COL5A1: variants seen among roughly 807,000 people sequenced by gnomAD.
The protein encoded by COL5A1 is collagen alpha-1(V) chain.
COL5A1 carries 16 observed loss-of-function variants against 263.7 expected under a neutral mutation model. The observed-to-expected ratio is 0.06, with a 90% CI of 0.04 to 0.09. COL5A1 has a LOEUF of 0.09. Among genes scored for constraint, COL5A1 ranks in the 10% least tolerant of loss-of-function variants. The probability of loss-of-function intolerance (pLI) is 1.00; values close to 1 mark genes in which losing one functional copy is unlikely to be tolerated. For synonymous variants in COL5A1, 1,012 were observed against 1,004.5 expected (o/e 1.01, Z -0.14); for missense variants, 2,036 against 2,540.5 (o/e 0.80, Z 4.27).
chr9:134,812,814 A>T (rs1465183935), intron 48 of COL5A1, 102 bp downstream of exon 48: 14 of 851,196 alleles, frequency 1.6e-5, no homozygotes, highest in Non-Finnish European at 2.3e-5. Flanking sequence ...GTGCGCATGC[A>T]CACGCTTGTG....
At chr9:134,814,118 C>G in intron 49 of COL5A1, 82 bp downstream of exon 49, 1 of 1,376,896 alleles carries the variant, frequency 7.3e-7, no homozygotes, top group Non-Finnish European at 1.0e-6. Flanking sequence ...GGCTCTGGCT[C>G]TGCCTTAGCT....
chr9:134,713,512 C>G (rs963659077), intron 4 of COL5A1, among the ~76,000 whole-genome samples: 2 of 152,226 alleles, frequency 1.3e-5, no homozygotes, highest in African/African-American at 2.4e-5. Context: ...AATGAAGACT[C>G]AGAAGATCTT....
intron 11 of COL5A1, among the ~76,000 whole-genome samples, chr9:134,749,382 C>T (rs771237257): frequency 5.3e-5 from 8 of 152,198 alleles, no homozygotes; most frequent in Non-Finnish European, 1.2e-4. Flanking sequence ...TGAAAAGGGA[C>T]CTTTCACTTT....
At position 134,824,716 on chromosome 9, in the gene COL5A1, G is replaced by C. The variant is rs755728242; in HGVS notation, c.4815G>C (p.Ala1605=). Residue 1605 remains alanine, a synonymous_variant, in exon 62 of 66, where the codon GCG becomes GCC. Transcript: ENST00000371817. ...DGNGENYVDY[A]DGMEEIFGSL... ...ATGGCGAGAACTACGTGGACTACGC[G>C]GACGGCATGGAAGAGATCTTCGGCT... 2.5e-6 allele frequency: 4 copies of C among 1,614,220 alleles called. No individual in the cohort carries two copies. The highest frequency in any genetic ancestry group is 3.4e-6 in the Non-Finnish European group (4 of 1,180,050).
At chr9:134,649,245 C>T (rs573874812) in intron 1 of COL5A1, 5 of 319,980 alleles carry the variant, frequency 1.6e-5, no homozygotes, top group African/African-American at 6.6e-5. Flanking sequence ...TCAGATAGTC[C>T]GAGCCGTCAC....
Position 134,824,866 on chromosome 9 carries a change from G to A in COL5A1, c.4954+11G>A, listed in dbSNP as rs957818279. On this transcript the variant is annotated intron_variant, in intron 62 of 65. Coordinates refer to ENST00000371817, the MANE Select transcript of COL5A1 (RefSeq NM_000093.5). ...CCGACTTCCCAGATGGTGAGGGCCT[G>A]GGGGGGCAGGGGTGGCCCCCCAAAG... 6.2e-7 allele frequency: 1 copy of A among 1,605,450 alleles called. No individual in the cohort carries two copies.
In COL5A1 at chr9:134,661,816, C is replaced by G. The variant is rs1201485674; in HGVS notation, c.109+19520C>G. Reference sequence around the variant, plus strand: ...CTCTTCCAGCTGTGCTCCAGAATTCCTTAAGCAGTGCCAACCTCGCTGTTC... The same window carrying G: ...CTCTTCCAGCTGTGCTCCAGAATTCGTTAAGCAGTGCCAACCTCGCTGTTC... On this transcript the variant is annotated intron_variant, in intron 1 of 65. Coordinates refer to ENST00000371817, the MANE Select transcript of COL5A1 (RefSeq NM_000093.5). 2.6e-5 allele frequency among the ~76,000 whole-genome samples: 4 copies of G among 152,194 alleles called. No individual in the cohort carries two copies. In the East Asian group the frequency reaches 7.7e-4, roughly 29 times the overall value.
intron 2 of COL5A1, among the ~76,000 whole-genome samples, chr9:134,692,179 C>T (rs1436284642): frequency 6.6e-6 from 1 of 152,194 alleles, no homozygotes; most frequent in Non-Finnish European, 1.5e-5. Context: ...GGCACCGAGT[C>T]TCTGCCTTGC....
chr9:134,770,600 A>T (rs1836835945), intron 25 of COL5A1, among the ~76,000 whole-genome samples: 1 of 152,276 alleles, frequency 6.6e-6, no homozygotes, highest in Admixed American at 6.5e-5. Context: ...TGATTCTATC[A>T]TACAATTAGC....
In COL5A1 at chr9:134,789,255, G is replaced by C. The variant is rs533232763; in HGVS notation, c.2700+47G>C. 656 of 1,527,544 alleles carry C rather than the reference G, an allele frequency of 4.3e-4. 8 individuals carry two copies. In the South Asian group the frequency reaches 6.2e-3, roughly 14 times the overall value. 94.6% of individuals were successfully genotyped at this position (1,527,544 alleles called of 1,614,324 possible). On this transcript the variant is annotated intron_variant, in intron 32 of 65. Coordinates refer to ENST00000371817, the MANE Select transcript of COL5A1 (RefSeq NM_000093.5). This position sits in a 1 kb window ranked among gnomAD's most constrained non-coding sequence, Gnocchi z 4.8. ...GGCAGGCAGCTTGTTCGGCTGCCTC[G>C]GTGCCTAGCAAGTTGGTTCTCCAGC... is the stretch of plus-strand genomic sequence containing the variant.
intron 4 of COL5A1, among the ~76,000 whole-genome samples, chr9:134,720,132 T>C (rs1261300519): frequency 1.3e-5 from 2 of 152,168 alleles, no homozygotes; most frequent in Non-Finnish European, 2.9e-5. Context: ...CACTGGGCAA[T>C]TCTGACCTAC....
intron 46 of COL5A1, 37 bp from the exon 47 acceptor site, chr9:134,812,412 C>T: frequency 6.2e-7 from 1 of 1,608,080 alleles, no homozygotes; most frequent in Non-Finnish European, 8.5e-7. Flanking sequence ...ATACACATGA[C>T]AGAACAGCGC....
At chr9:134,747,874 C>G (rs1588498967) in intron 11 of COL5A1, among the ~76,000 whole-genome samples, 1 of 150,172 alleles carries the variant, frequency 6.7e-6, no homozygotes, top group African/African-American at 2.5e-5. Context: ...CACATGCAGA[C>G]ACATGCACAC....
At chr9:134,778,093 C>A (rs1588537653) in intron 27 of COL5A1, among the ~76,000 whole-genome samples, 1 of 152,194 alleles carries the variant, frequency 6.6e-6, no homozygotes, top group East Asian at 1.9e-4. Flanking sequence ...GTCTCTGAGG[C>A]GATGCCACGC....
chr9:134,832,180 T>C (rs1176863497), intron 64 of COL5A1, among the ~76,000 whole-genome samples: 2 of 152,002 alleles, frequency 1.3e-5, no homozygotes, highest in Non-Finnish European at 2.9e-5. Context: ...CTGAGGCGGA[T>C]GGATCACCTG....
rs1406011925 is a variant in COL5A1 at position 134,809,195 on chromosome 9, C to T, written c.3379C>T (p.Pro1127Ser). 3 of 1,586,820 alleles carry T rather than the reference C, an allele frequency of 1.9e-6. No individual in the cohort carries two copies. Among genetic ancestry groups the T allele is most frequent in the Admixed American group, 3.6e-5 (2 of 56,264 alleles). The part of the protein sequence containing the change: ...GEKGAPGEKG[P>S]QGPAGRDGLQ... ...CTGTATTCTCTAGGGCGAGAAAGGC[C>T]CACAAGGCCCAGCTGGCCGAGACGG... Residue 1127 changes from proline to serine, a missense_variant, in exon 43 of 66, where the codon CCA becomes TCA. By Grantham distance (74) the Pro-to-Ser change is moderately conservative. Around this residue, in one of 3 missense-constraint regions of COL5A1, gnomAD observed 1,078 missense variants for 1,521.4 expected, o/e 0.71. Coordinates refer to ENST00000371817, the MANE Select transcript of COL5A1 (RefSeq NM_000093.5).
chr9:134,691,307 TG>T (rs1185029101), intron 2 of COL5A1, among the ~76,000 whole-genome samples: 3 of 151,384 alleles, frequency 2.0e-5, no homozygotes, highest in African/African-American at 7.3e-5. Context: ...CTGCTGGATG[TG>T]GGTGGGTGGG....
rs1440858543 is a variant in COL5A1 at position 134,818,511 on chromosome 9, G to A, written c.4231-145G>A. ...GACCAGGGCAGCTTCCACAGGCAATGAAATGTGGAGAATTAGGGCAACCCC... is the reference window on the plus strand; with the variant it reads ...GACCAGGGCAGCTTCCACAGGCAATAAAATGTGGAGAATTAGGGCAACCCC... On this transcript the variant is annotated intron_variant, in intron 54 of 65. Transcript: ENST00000371817. The surrounding 1 kb of genome is among the most constrained non-coding windows in gnomAD (Gnocchi z 6.0). 1.2e-5 allele frequency: 8 copies of A among 651,934 alleles called. No individual in the cohort carries two copies. Among genetic ancestry groups the A allele is most frequent in the Admixed American group, 5.0e-5 (2 of 40,196 alleles). The allele number at this position is 651,934 out of a possible 1,614,324, so 40.4% of individuals were successfully genotyped here.
intron 28 of COL5A1, 45 bp from the exon 29 acceptor site, chr9:134,782,621 CG>C: frequency 1.3e-6 from 2 of 1,576,344 alleles, no homozygotes; most frequent in Non-Finnish European, 1.7e-6. Flanking sequence ...GCCAGGGAGG[CG>C]GGTCCTCTTG....
Sources: allele counts gnomAD v4.1 joint callset (sites outside exome capture counted in the v4.1 genomes callset), GRCh38; gene constraint gnomAD v4.1.1; regional missense constraint gnomAD v4.1.1; non-coding constraint Gnocchi (gnomAD v3.1); transcripts MANE v1.5; gene names NCBI Gene and HGNC (gene_info 2026-07-23, HGNC 2026-07-21).